Variants in ADAMTS2 observed in about 807,000 individuals in gnomAD.
The protein encoded by ADAMTS2 is A disintegrin and metalloproteinase with thrombospondin motifs 2.
ADAMTS2 carries 50 observed loss-of-function variants against 123.0 expected under a neutral mutation model. The observed-to-expected ratio is 0.41, with a 90% CI of 0.32 to 0.51. ADAMTS2 has a LOEUF of 0.51. Among genes scored for constraint, ADAMTS2 ranks in the 20% least tolerant of loss-of-function variants. ADAMTS2 has a pLI of 0.35. For synonymous variants in ADAMTS2, 678 were observed against 695.4 expected (o/e 0.98, Z 0.39); for missense variants, 1,494 against 1,705.2 (o/e 0.88, Z 2.18).
At chr5:179,339,307 G>C (rs1448844983) in intron 2 of ADAMTS2, among the ~76,000 whole-genome samples, 2 of 152,194 alleles carry the variant, frequency 1.3e-5, no homozygotes, top group Non-Finnish European at 2.9e-5. Flanking sequence ...TTGCCTCCTT[G>C]GAAAACGAGT....
rs980092080 is a variant in ADAMTS2, at chr5:179,188,150, A to G, written c.892-6995T>C. On this transcript the variant is annotated intron_variant, in intron 4 of 21. Transcript: ENST00000251582. This position sits in a 1 kb window ranked among gnomAD's most constrained non-coding sequence, Gnocchi z 5.1. ...AACAGCAGCCACCCCAACCTTCAGG[A>G]AAGTTCCCATGTCCTTCGCTCAGCT... 1.3e-5 allele frequency among the ~76,000 whole-genome samples: 2 copies of G among 152,184 alleles called. No homozygotes were observed. The highest frequency in any genetic ancestry group is 2.9e-5 in the Non-Finnish European group (2 of 68,034).
intron 10 of ADAMTS2, among the ~76,000 whole-genome samples, chr5:179,148,395 G>A (rs1384640564): frequency 2.0e-5 from 3 of 152,182 alleles, no homozygotes; most frequent in African/African-American, 7.2e-5. Context: ...CCCCTTTCCT[G>A]CAGACAGCCA....
At chr5:179,146,511 C>T (rs551696300) in intron 10 of ADAMTS2, among the ~76,000 whole-genome samples, 2 of 152,264 alleles carry the variant, frequency 1.3e-5, no homozygotes, top group South Asian at 2.1e-4. Context: ...TGGCAGCGTT[C>T]GCAGCTCCCT....
chr5:179,141,985 G>C (rs1172063356), intron 10 of ADAMTS2, among the ~76,000 whole-genome samples: 2 of 152,118 alleles, frequency 1.3e-5, no homozygotes, highest in Non-Finnish European at 2.9e-5. Context: ...TTCCCATCTA[G>C]TGAGCAGTCT....
chr5:179,152,718 T>C (rs1332993278), intron 9 of ADAMTS2, among the ~76,000 whole-genome samples: 2 of 152,100 alleles, frequency 1.3e-5, no homozygotes, highest in African/African-American at 4.8e-5. Flanking sequence ...AGGACGTCCC[T>C]GAGGGATCAG....
At position 179,114,014 on chromosome 5, in the gene ADAMTS2, T is replaced by C. The variant is rs764091863; in HGVS notation, c.3489A>G (p.Glu1163=). Residue 1163 remains glutamate, a synonymous_variant, in exon 22 of 22, where the codon GAA becomes GAG. Coordinates refer to ENST00000251582, the MANE Select transcript of ADAMTS2 (RefSeq NM_014244.5). ...EDHPETNAVD[E]PYKIHGLEDE... ...CTTCCAGGCCATGGATTTTGTAGGG[T>C]TCATCTACGGCATTGGTTTCTGGGT... 6.2e-7 allele frequency: 1 copy of C among 1,614,068 alleles called. No individual in the cohort carries two copies. The highest frequency in any genetic ancestry group is 1.7e-5 in the Admixed American group (1 of 60,006).
At chr5:179,136,710 C>A (rs1254419039) in intron 12 of ADAMTS2, among the ~76,000 whole-genome samples, 1 of 150,670 alleles carries the variant, frequency 6.6e-6, no homozygotes, top group Non-Finnish European at 1.5e-5. Context: ...GTGGCTCATG[C>A]CTGTAATCCC....
chr5:179,330,495 G>T (rs1757453278), intron 2 of ADAMTS2, among the ~76,000 whole-genome samples: 1 of 152,240 alleles, frequency 6.6e-6, no homozygotes, highest in African/African-American at 2.4e-5. Flanking sequence ...GGTTTTTAAT[G>T]TCCCTAGTCC....
At chr5:179,184,181 G>C (rs570568341) in intron 4 of ADAMTS2, among the ~76,000 whole-genome samples, 1 of 152,176 alleles carries the variant, frequency 6.6e-6, no homozygotes, top group Non-Finnish European at 1.5e-5. Flanking sequence ...TCCTGGGGCT[G>C]AGTGCCCGAG....
At chr5:179,152,338 C>T in intron 9 of ADAMTS2, 83 bp from the exon 10 acceptor site, 1 of 1,293,970 alleles carries the variant, frequency 7.7e-7, no homozygotes, top group Non-Finnish European at 1.1e-6. Context: ...GGTTCTGGAA[C>T]CTGAGATGCC....
chr5:179,335,215 A>T (rs961292435), intron 2 of ADAMTS2, among the ~76,000 whole-genome samples: 4 of 138,782 alleles, frequency 2.9e-5, no homozygotes, highest in African/African-American at 8.2e-5. Flanking sequence ...CATGTTTTTA[A>T]AAAAAAAAGA....
Position 179,219,935 on chromosome 5 carries a change from G to C in ADAMTS2, c.689-12220C>G, listed in dbSNP as rs866756729. ...AGCCCACTCACCTCCAAGGATTCAC[G>C]GGGGTCTCGGGGCCTTCAGAGGCTG... On this transcript the variant is annotated intron_variant, in intron 3 of 21. Transcript: ENST00000251582. Among the ~76,000 whole-genome samples the C allele has an allele frequency of 6.6e-5, 10 of 152,334 alleles. No individual in the cohort carries two copies. In the South Asian group the frequency reaches 1.4e-3, roughly 22 times the overall value.
At position 179,343,741 on chromosome 5, in the gene ADAMTS2, A is replaced by C. The variant is rs570645311; in HGVS notation, c.534+26T>G. ...AACCCAGGCGAGAGCAGCGGAGAGAAAGGAGCTAGAGAAGTGCGTACTCAC... is the reference window on the plus strand; with the variant it reads ...AACCCAGGCGAGAGCAGCGGAGAGACAGGAGCTAGAGAAGTGCGTACTCAC... On this transcript the variant is annotated intron_variant, in intron 2 of 21. Coordinates refer to ENST00000251582, the MANE Select transcript of ADAMTS2 (RefSeq NM_014244.5). 3.9e-5 allele frequency: 63 copies of C among 1,605,070 alleles called. No individual in the cohort carries two copies. In the African/African-American group the frequency reaches 6.1e-4, roughly 16 times the overall value.
rs1581209475 is a variant in ADAMTS2 at position 179,234,254 on chromosome 5, C to A, written c.689-26539G>T. ...ACCCCTGCTCTGTGGGGGATTCCTG[C>A]TGCTCTGCCTGAATTCACCCAGGTG... On this transcript the variant is annotated intron_variant, in intron 3 of 21. Coordinates refer to ENST00000251582, the MANE Select transcript of ADAMTS2 (RefSeq NM_014244.5). The surrounding 1 kb of genome is among the most constrained non-coding windows in gnomAD (Gnocchi z 4.7). Among the ~76,000 whole-genome samples, 1 of 152,164 alleles carries A rather than the reference C, an allele frequency of 6.6e-6. No individual in the cohort carries two copies. Among genetic ancestry groups the A allele is most frequent in the Non-Finnish European group, 1.5e-5 (1 of 68,024 alleles).
chr5:179,139,179 GC>G (rs1348708983), intron 11 of ADAMTS2, among the ~76,000 whole-genome samples: 1 of 152,138 alleles, frequency 6.6e-6, no homozygotes. Flanking sequence ...CTCCCTCCAT[GC>G]CAGCCCCCCC....
At chr5:179,192,089 C>G (rs567651116) in intron 4 of ADAMTS2, among the ~76,000 whole-genome samples, 2 of 152,290 alleles carry the variant, frequency 1.3e-5, no homozygotes, top group African/African-American at 4.8e-5. Context: ...TCCCTACTCC[C>G]CAGGCATCCA....
At chr5:179,154,550 G>A (rs982654641) in intron 7 of ADAMTS2, among the ~76,000 whole-genome samples, 3 of 152,242 alleles carry the variant, frequency 2.0e-5, no homozygotes, top group Admixed American at 6.5e-5. Context: ...GGGCTTGGAT[G>A]TGATAATGGG....
chr5:179,201,443 C>T (rs184834327), intron 4 of ADAMTS2, among the ~76,000 whole-genome samples: 346 of 152,170 alleles, frequency 2.3e-3, no homozygotes, highest in South Asian at 2.5e-3. Context: ...CAATTAACTG[C>T]TGGGAGAAGA....
chr5:179,208,461 G>A (rs115923899), intron 3 of ADAMTS2, among the ~76,000 whole-genome samples: 5,437 of 152,248 alleles, frequency 0.036, 155 homozygotes, highest in South Asian at 0.061. Context: ...TGGCAGCTCC[G>A]CTGCAGTCGG....
Sources: allele counts gnomAD v4.1 joint callset (sites outside exome capture counted in the v4.1 genomes callset), GRCh38; gene constraint gnomAD v4.1.1; non-coding constraint Gnocchi (gnomAD v3.1); transcripts MANE v1.5; gene names NCBI Gene and HGNC (gene_info 2026-07-23, HGNC 2026-07-21).